TPST1: variants seen among roughly 807,000 people sequenced by gnomAD.
The protein encoded by TPST1 is protein-tyrosine sulfotransferase 1.
Under a neutral mutation model 34.8 loss-of-function variants are expected in TPST1, and 20 were observed. The observed-to-expected ratio is 0.57, with a 90% confidence interval of 0.40 to 0.84. TPST1 has a LOEUF of 0.84. Among genes scored for constraint, TPST1 ranks in the 40% least tolerant of loss-of-function variants. The pLI, the probability that TPST1 is intolerant of heterozygous loss-of-function variation, is 0.00. For missense variants in TPST1, 353 were observed against 455.5 expected (o/e 0.78, Z 2.05); for synonymous variants, 152 against 159.4 (o/e 0.95, Z 0.35).
intron 3 of TPST1, among the ~76,000 whole-genome samples, chr7:66,319,610 C>T (rs1347754982): frequency 6.6e-6 from 1 of 152,150 alleles, no homozygotes; most frequent in Non-Finnish European, 1.5e-5. Flanking sequence ...TTGCATTGTC[C>T]AGATACACAG....
intron 2 of TPST1, among the ~76,000 whole-genome samples, chr7:66,247,584 T>C (rs1359878966): frequency 1.3e-5 from 2 of 152,192 alleles, no homozygotes; most frequent in African/African-American, 4.8e-5. Flanking sequence ...GATAATTATT[T>C]GTTGTGGCAG....
At chr7:66,253,348 A>G (rs1790306566) in intron 2 of TPST1, among the ~76,000 whole-genome samples, 1 of 150,096 alleles carries the variant, frequency 6.7e-6, no homozygotes, top group South Asian at 2.1e-4. Context: ...TGTATGCATT[A>G]TTCTTTTAGT....
intron 3 of TPST1, among the ~76,000 whole-genome samples, chr7:66,304,579 C>T (rs939425025): frequency 2.6e-5 from 4 of 152,202 alleles, no homozygotes; most frequent in Admixed American, 2.0e-4. Context: ...GCCTGGCTTA[C>T]ATACACACCT....
chr7:66,307,281 C>T (rs1275193462), intron 3 of TPST1, among the ~76,000 whole-genome samples: 2 of 151,968 alleles, frequency 1.3e-5, no homozygotes, highest in Non-Finnish European at 2.9e-5. Flanking sequence ...CCACGCCCGG[C>T]TAGTTTTTTT....
chr7:66,286,720 T>A lies in TPST1; in HGVS notation c.1044+11T>A. The A allele has an allele frequency of 2.0e-6, 3 of 1,481,210 alleles. No individual in the cohort carries two copies. Among genetic ancestry groups the A allele is most frequent in the Non-Finnish European group, 1.8e-6 (2 of 1,108,960 alleles). The allele number at this position is 1,481,210 out of a possible 1,614,324, so 91.8% of individuals were successfully genotyped here. ...GAAAACACTCGAAGGGTAAGTGAGATTTTTTAAAGCAACTGAGAAAACTAG... is the reference window on the plus strand; with the variant it reads ...GAAAACACTCGAAGGGTAAGTGAGAATTTTTAAAGCAACTGAGAAAACTAG... On this transcript the variant is annotated intron_variant, in intron 3 of 5. Coordinates refer to ENST00000304842, the MANE Select transcript of TPST1 (RefSeq NM_003596.4).
At chr7:66,328,874 C>CTG (rs1791929144) in intron 3 of TPST1, among the ~76,000 whole-genome samples, 2 of 24,054 alleles carry the variant, frequency 8.3e-5, no homozygotes, top group African/African-American at 2.0e-4. Flanking sequence ...CTCTCTCTCT[C>CTG]TCTCTCTCTC....
chr7:66,319,470 AGTTGAACTCCTAG>A (rs1307403801), intron 3 of TPST1, among the ~76,000 whole-genome samples: 1 of 152,216 alleles, frequency 6.6e-6, no homozygotes, highest in African/African-American at 2.4e-5. Context: ...GTGTTTCAGC[AGTTGAACTCCTAG>A]GTCTTCATTG....
At chr7:66,227,624 A>C (rs1294520962) in intron 1 of TPST1, among the ~76,000 whole-genome samples, 2 of 152,126 alleles carry the variant, frequency 1.3e-5, no homozygotes, top group African/African-American at 4.8e-5. Context: ...CAGCAGTAGA[A>C]GTAAGGATAC....
intron 3 of TPST1, among the ~76,000 whole-genome samples, chr7:66,346,780 C>A (rs1013481122): frequency 3.3e-5 from 5 of 152,030 alleles, no homozygotes; most frequent in Non-Finnish European, 7.4e-5. Context: ...GGGATTGTCA[C>A]TTCCCTTTGT....
rs1043692701 is a variant in TPST1, at chr7:66,229,399, C to T, written c.-101-10926C>T. 6.6e-5 allele frequency among the ~76,000 whole-genome samples: 10 copies of T among 152,274 alleles called. No homozygotes were observed. In the South Asian group the frequency reaches 1.0e-3, roughly 16 times the overall value. On this transcript the variant is annotated intron_variant, in intron 1 of 5. Transcript: ENST00000304842. ...TGCTGGGATTACAGGCATGAGCCAC[C>T]GCACCCGGCTGAGACTGGCTTCTTT...
chr7:66,349,780 G>A (rs1336864650), intron 3 of TPST1, among the ~76,000 whole-genome samples: 1 of 152,030 alleles, frequency 6.6e-6, no homozygotes, highest in Non-Finnish European at 1.5e-5. Context: ...GAGGGAGAAG[G>A]AAAGACACTT....
At position 66,332,369 on chromosome 7, in the gene TPST1, G is replaced by A. The variant is rs1049610586; in HGVS notation, c.1045-20136G>A. On this transcript the variant is annotated intron_variant, in intron 3 of 5. Transcript: ENST00000304842. The surrounding 1 kb of genome is among the most constrained non-coding windows in gnomAD (Gnocchi z 4.5). ...TGCAACGTCCGTCTCCTGAGTTCAA[G>A]CGATTCTCCTGCCTCAGCCTCCCGA... Among the ~76,000 whole-genome samples the A allele has an allele frequency of 3.3e-5, 5 of 151,976 alleles. No homozygotes were observed. The highest frequency in any genetic ancestry group is 4.2e-4 in the South Asian group (2 of 4,808).
intron 3 of TPST1, among the ~76,000 whole-genome samples, chr7:66,315,369 C>A (rs564168341): frequency 6.6e-6 from 1 of 152,378 alleles, no homozygotes; most frequent in South Asian, 2.1e-4. Context: ...AAAACAGCCA[C>A]TGTCAGCACA....
rs186675078 is a variant in TPST1, at chr7:66,233,586, C to T, written c.-101-6739C>T. Among the ~76,000 whole-genome samples, 134 of 152,228 alleles carry T rather than the reference C, an allele frequency of 8.8e-4. 1 individual carries two copies. The South Asian group carries it at 0.013, about 14-fold the overall frequency. ...TTTATGCCAGTACTACATTGTCTTA[C>T]GATTGTAGCATTTAGTTTTGAAATT... On this transcript the variant is annotated intron_variant, in intron 1 of 5. Coordinates refer to ENST00000304842, the MANE Select transcript of TPST1 (RefSeq NM_003596.4).
chr7:66,229,751 AT>A (rs2116335831), intron 1 of TPST1, among the ~76,000 whole-genome samples: 1 of 152,330 alleles, frequency 6.6e-6, no homozygotes, highest in South Asian at 2.1e-4. Context: ...CAGTAGCAAA[AT>A]GTGGGAGTTC....
upstream of TPST1, among the ~76,000 whole-genome samples, chr7:66,202,504 T>C (rs1789043921): frequency 6.6e-6 from 1 of 152,182 alleles, no homozygotes; most frequent in South Asian, 2.1e-4. Context: ...ATTCTTTTTC[T>C]AGGTCTTATA....
At chr7:66,215,962 G>A (rs1789398966) in intron 1 of TPST1, among the ~76,000 whole-genome samples, 1 of 151,352 alleles carries the variant, frequency 6.6e-6, no homozygotes, top group African/African-American at 2.4e-5. Flanking sequence ...TAGTAGAGAC[G>A]GGGTTTCACC....
chr7:66,346,558 T>C (rs919659830), intron 3 of TPST1, among the ~76,000 whole-genome samples: 38 of 152,336 alleles, frequency 2.5e-4, no homozygotes, highest in African/African-American at 8.9e-4. Context: ...GTAGTTTTGA[T>C]TTGCATCTCC....
At chr7:66,204,035 G>A (rs1789070073), upstream of TPST1, among the ~76,000 whole-genome samples, 1 of 151,904 alleles carries the variant, frequency 6.6e-6, no homozygotes, top group Non-Finnish European at 1.5e-5. Flanking sequence ...AAATTAGCCA[G>A]GCATGGTGGC....
Sources: allele counts gnomAD v4.1 joint callset (sites outside exome capture counted in the v4.1 genomes callset), GRCh38; gene constraint gnomAD v4.1.1; non-coding constraint Gnocchi (gnomAD v3.1); transcripts MANE v1.5; gene names NCBI Gene and HGNC (gene_info 2026-07-23, HGNC 2026-07-21).